Variants in DLC1 observed in about 807,000 individuals in gnomAD.
DLC1 encodes the protein rho GTPase-activating protein 7.
Under a neutral mutation model 140.3 loss-of-function variants are expected in DLC1, and 54 were observed. The ratio of observed to expected loss-of-function variants is 0.38; its 90% CI spans 0.31 to 0.48. The LOEUF (loss-of-function observed/expected upper bound fraction) is 0.48. Among genes scored for constraint, DLC1 ranks in the 20% least tolerant of loss-of-function variants. DLC1 has a pLI of 0.96. For missense variants in DLC1, 2,536 were observed against 1,907.0 expected (o/e 1.33, Z -6.14); for synonymous variants, 986 against 728.1 (o/e 1.35, Z -5.70).
chr8:13,548,312 G>C (rs6987696), intron 1 of DLC1, among the ~76,000 whole-genome samples: 1 of 151,548 alleles, frequency 6.6e-6, no homozygotes, highest in Admixed American at 6.6e-5. Flanking sequence ...CATTTGTAAC[G>C]CTCACAAACT....
chr8:13,232,935 T>C (rs1829114750), intron 5 of DLC1, among the ~76,000 whole-genome samples: 1 of 152,198 alleles, frequency 6.6e-6, no homozygotes, highest in South Asian at 2.1e-4. Context: ...CCCTGACTAA[T>C]CAATAACATT....
chr8:13,339,009 T>A (rs1563264467), intron 4 of DLC1, among the ~76,000 whole-genome samples: 2 of 152,220 alleles, frequency 1.3e-5, no homozygotes, highest in Middle Eastern at 3.2e-3. Context: ...AAGCACTTCA[T>A]ATGTAACAAT....
At chr8:13,512,917 A>T (rs1802440911) in intron 1 of DLC1, among the ~76,000 whole-genome samples, 1 of 150,808 alleles carries the variant, frequency 6.6e-6, no homozygotes, top group Non-Finnish European at 1.5e-5. Context: ...ATTTTTTTTT[A>T]AAGTTAGGAT....
At chr8:13,206,450 T>C (rs1251485270) in intron 5 of DLC1, among the ~76,000 whole-genome samples, 1 of 152,116 alleles carries the variant, frequency 6.6e-6, no homozygotes, top group Non-Finnish European at 1.5e-5. Context: ...GTTTCAGTGA[T>C]GGAATATGAA....
Position 13,102,856 on chromosome 8 carries a change from A to G in DLC1, c.1503-3T>C. ...ATTTGTTTAAAGTATTTAGACGCCT[A>G]TAGAGCAAAGAAATAACGTTAGCAA... On this transcript the variant is annotated splice_polypyrimidine_tract_variant and splice_region_variant and intron_variant, in intron 7 of 17. Transcript: ENST00000276297. 6.2e-7 allele frequency: 1 copy of G among 1,613,564 alleles called. No homozygotes were observed. Among genetic ancestry groups the G allele is most frequent in the Non-Finnish European group, 8.5e-7 (1 of 1,179,834 alleles).
chr8:13,377,523 A>T (rs531053947), intron 4 of DLC1, among the ~76,000 whole-genome samples: 19 of 152,280 alleles, frequency 1.2e-4, no homozygotes, highest in African/African-American at 4.6e-4. Context: ...AGAAATGAAA[A>T]CAGCAAATAT....
chr8:13,573,717 G>T (rs770215519), intron 1 of DLC1, among the ~76,000 whole-genome samples: 1 of 152,154 alleles, frequency 6.6e-6, no homozygotes, highest in East Asian at 1.9e-4. Context: ...TTGTAGTTTG[G>T]CATATGCTTA....
chr8:13,152,509 T>A (rs1823897173), intron 5 of DLC1, among the ~76,000 whole-genome samples: 1 of 152,216 alleles, frequency 6.6e-6, no homozygotes, highest in South Asian at 2.1e-4. Context: ...TTCCATGAAA[T>A]ATTGAGGCAA....
chr8:13,575,271 G>C (rs944240573), intron 1 of DLC1, among the ~76,000 whole-genome samples: 1 of 152,126 alleles, frequency 6.6e-6, no homozygotes, highest in Non-Finnish European at 1.5e-5. Context: ...ATTTGCTCTG[G>C]ATGTCAGGAC....
intron 4 of DLC1, among the ~76,000 whole-genome samples, chr8:13,316,921 C>A (rs917918221): frequency 6.6e-6 from 1 of 151,666 alleles, no homozygotes; most frequent in Admixed American, 6.6e-5. Context: ...CTATTGGATT[C>A]TTAATTGAAT....
intron 5 of DLC1, among the ~76,000 whole-genome samples, chr8:13,297,879 G>T (rs1351085650): frequency 1.3e-5 from 2 of 151,672 alleles, no homozygotes; most frequent in African/African-American, 2.4e-5. Context: ...TTTTTTTGTT[G>T]TTGTTGTTGT....
chr8:13,143,360 G>A (rs1443501992), intron 5 of DLC1, among the ~76,000 whole-genome samples: 1 of 152,162 alleles, frequency 6.6e-6, no homozygotes, highest in Admixed American at 6.5e-5. Context: ...CCCTTCCCCT[G>A]AACCCAGGTG....
chr8:13,508,126 C>G (rs372100704), intron 1 of DLC1, among the ~76,000 whole-genome samples: 3 of 152,170 alleles, frequency 2.0e-5, no homozygotes, highest in Non-Finnish European at 4.4e-5. Context: ...ATTTTTACGT[C>G]CAGGTTGCTG....
intron 2 of DLC1, among the ~76,000 whole-genome samples, chr8:13,443,236 G>C (rs1010139605): frequency 2.6e-5 from 4 of 151,024 alleles, no homozygotes; most frequent in Non-Finnish European, 4.4e-5. Context: ...GATAGCATTA[G>C]GAGATATACC....
chr8:13,537,647 TC>T (rs1285151756), intron 1 of DLC1, among the ~76,000 whole-genome samples: 3 of 127,572 alleles, frequency 2.4e-5, no homozygotes, highest in South Asian at 2.8e-4. Flanking sequence ...AACAGCTAAC[TC>T]TTTTTTTTTT....
At chr8:13,335,750 G>T (rs898695759) in intron 4 of DLC1, among the ~76,000 whole-genome samples, 1 of 151,988 alleles carries the variant, frequency 6.6e-6, no homozygotes, top group Non-Finnish European at 1.5e-5. Context: ...TGGATCTATT[G>T]TTCCATAGAA....
chr8:13,228,086 A>G (rs1828876312), intron 5 of DLC1, among the ~76,000 whole-genome samples: 1 of 152,168 alleles, frequency 6.6e-6, no homozygotes, highest in Non-Finnish European at 1.5e-5. Context: ...TATCCTGTAA[A>G]CTGTAAATCT....
At chr8:13,275,898 A>T (rs1831142723) in intron 5 of DLC1, among the ~76,000 whole-genome samples, 1 of 152,152 alleles carries the variant, frequency 6.6e-6, no homozygotes, top group Admixed American at 6.5e-5. Flanking sequence ...GACCCGAGAC[A>T]GCCCCGAGGA....
intron 2 of DLC1, among the ~76,000 whole-genome samples, chr8:13,413,604 G>C (rs1411714001): frequency 6.6e-6 from 1 of 151,926 alleles, no homozygotes; most frequent in Non-Finnish European, 1.5e-5. Flanking sequence ...GGTGTTGAGG[G>C]AGGGACCTGT....
Sources: allele counts gnomAD v4.1 joint callset (sites outside exome capture counted in the v4.1 genomes callset), GRCh38; gene constraint gnomAD v4.1.1; transcripts MANE v1.5; gene names NCBI Gene and HGNC (gene_info 2026-07-23, HGNC 2026-07-21).